Variants in RAB28 observed in about 807,000 individuals in gnomAD.
RAB28 encodes the protein RAB28, member RAS oncogene family, also known as ras-related protein Rab-28.
RAB28 carries 24 observed loss-of-function variants against 31.7 expected under a neutral mutation model. The observed-to-expected ratio is 0.76, with a 90% CI of 0.55 to 1.06. The LOEUF (loss-of-function observed/expected upper bound fraction) is 1.06. Ranked by LOEUF, RAB28 falls within the 50% of genes least tolerant of loss-of-function variation. RAB28 has a pLI of 0.00. For synonymous variants in RAB28, 100 were observed against 90.4 expected, an observed-to-expected ratio of 1.11 and a Z score of -0.60; for missense variants, 254 against 258.5, an observed-to-expected ratio of 0.98 and a Z score of 0.12.
At chr4:13,425,782 T>C (rs1228308337) in intron 4 of RAB28, among the ~76,000 whole-genome samples, 1 of 152,168 alleles carries the variant, frequency 6.6e-6, no homozygotes, top group Non-Finnish European at 1.5e-5. Flanking sequence ...GTTGTATTGT[T>C]TGTTTGTTTT....
At chr4:13,446,412 G>A (rs1428974201) in intron 4 of RAB28, among the ~76,000 whole-genome samples, 2 of 152,190 alleles carry the variant, frequency 1.3e-5, no homozygotes, top group East Asian at 1.9e-4. Context: ...AGGTGCCACA[G>A]GAATATGAAA....
intron 4 of RAB28, among the ~76,000 whole-genome samples, chr4:13,409,795 T>C (rs1577184822): frequency 6.6e-6 from 1 of 152,268 alleles, no homozygotes; most frequent in African/African-American, 2.4e-5. Flanking sequence ...TTTGGAAACA[T>C]ATTTCCACTT....
intron 4 of RAB28, among the ~76,000 whole-genome samples, chr4:13,425,111 T>C (rs2108925611): frequency 6.6e-6 from 1 of 152,326 alleles, no homozygotes; most frequent in Middle Eastern, 3.4e-3. Context: ...TTTACTTACC[T>C]ATCAGCAGCA....
At chr4:13,416,796 C>A (rs1435168269) in intron 4 of RAB28, among the ~76,000 whole-genome samples, 1 of 152,108 alleles carries the variant, frequency 6.6e-6, no homozygotes, top group Admixed American at 6.5e-5. Context: ...AGAAACAGCT[C>A]CAGTCTGCAG....
At chr4:13,450,732 A>C (rs992110904) in intron 4 of RAB28, among the ~76,000 whole-genome samples, 1 of 151,884 alleles carries the variant, frequency 6.6e-6, no homozygotes, top group Non-Finnish European at 1.5e-5. Flanking sequence ...CTTTAGAACG[A>C]AACTTTAAAA....
intron 4 of RAB28, among the ~76,000 whole-genome samples, chr4:13,414,725 G>T (rs1469878352): frequency 2.6e-5 from 4 of 152,094 alleles, no homozygotes; most frequent in Non-Finnish European, 4.4e-5. Context: ...GTATATAAAA[G>T]AAAATATGCT....
At chr4:13,419,193 G>A (rs866880122) in intron 4 of RAB28, among the ~76,000 whole-genome samples, 1 of 152,086 alleles carries the variant, frequency 6.6e-6, no homozygotes, top group South Asian at 2.1e-4. Context: ...TCAACAAAAA[G>A]AGCCAGCTAT....
Position 13,367,849 on chromosome 4 carries a change from A to G in RAB28, c.*709T>C. 4.1e-6 allele frequency: 4 copies of G among 984,824 alleles called. No homozygotes were observed. In the South Asian group the frequency reaches 1.9e-4, roughly 46 times the overall value. The allele number at this position is 984,824 out of a possible 1,614,324, so 61.0% of individuals were successfully genotyped here. ...TTGCAAGAGAAATTCCACGTGGAGC[A>G]TCAGCTGAACATTTATCAGAATTCA... On this transcript the variant is annotated 3_prime_UTR_variant, in exon 7 of 7. Coordinates refer to ENST00000330852, the MANE Select transcript of RAB28 (RefSeq NM_001017979.3).
chr4:13,383,885 A>G (rs1729244850), intron 4 of RAB28, among the ~76,000 whole-genome samples: 1 of 152,188 alleles, frequency 6.6e-6, no homozygotes, highest in South Asian at 2.1e-4. Flanking sequence ...ACACAGGGCT[A>G]GTCCAACCTC....
At chr4:13,481,774 A>G (rs1263832781) in intron 1 of RAB28, among the ~76,000 whole-genome samples, 1 of 152,102 alleles carries the variant, frequency 6.6e-6, no homozygotes, top group Non-Finnish European at 1.5e-5. Flanking sequence ...TCAATACTCT[A>G]TTGCATCTGT....
At chr4:13,409,499 A>T (rs942956346) in intron 4 of RAB28, among the ~76,000 whole-genome samples, 1 of 152,194 alleles carries the variant, frequency 6.6e-6, no homozygotes, top group African/African-American at 2.4e-5. Flanking sequence ...AGCTTGCACC[A>T]ATCACTGGAG....
intron 6 of RAB28, among the ~76,000 whole-genome samples, chr4:13,375,983 T>C (rs1274586289): frequency 1.3e-5 from 2 of 152,184 alleles, no homozygotes; most frequent in African/African-American, 2.4e-5. Context: ...CATAACTTTA[T>C]AGGCTCTTAC....
intron 4 of RAB28, among the ~76,000 whole-genome samples, chr4:13,440,114 T>C (rs186092284): frequency 5.3e-5 from 8 of 152,290 alleles, no homozygotes; most frequent in African/African-American, 1.9e-4. Flanking sequence ...CCTTTGTTTA[T>C]ATACAGACTG....
chr4:13,473,169 T>C (rs1716198204), intron 3 of RAB28, among the ~76,000 whole-genome samples: 1 of 151,990 alleles, frequency 6.6e-6, no homozygotes. Flanking sequence ...GCAACGGTAT[T>C]TGACATGAAC....
At chr4:13,423,136 G>T (rs1274249863) in intron 4 of RAB28, among the ~76,000 whole-genome samples, 2 of 152,158 alleles carry the variant, frequency 1.3e-5, no homozygotes, top group African/African-American at 4.8e-5. Flanking sequence ...AAACAAAGCA[G>T]CCTTTTAATT....
chr4:13,471,787 G>A (rs143644655), intron 3 of RAB28, among the ~76,000 whole-genome samples: 174 of 151,934 alleles, frequency 1.1e-3, no homozygotes, highest in African/African-American at 4.0e-3. Context: ...TAAAAACACA[G>A]TACATCCTTA....
At chr4:13,475,541 G>A (rs1041073863) in intron 2 of RAB28, among the ~76,000 whole-genome samples, 9 of 151,454 alleles carry the variant, frequency 5.9e-5, no homozygotes, top group Non-Finnish European at 1.3e-4. Context: ...AAAGACATTT[G>A]ATTAACCAGC....
intron 4 of RAB28, among the ~76,000 whole-genome samples, chr4:13,393,165 C>T (rs181657752): frequency 1.1e-4 from 17 of 152,248 alleles, no homozygotes; most frequent in African/African-American, 4.1e-4. Context: ...CAATCTATAA[C>T]AGGAGTACAG....
rs1033568413 is a variant in RAB28 at position 13,418,402 on chromosome 4, A to C, written c.392-36808T>G. Among the ~76,000 whole-genome samples the C allele has an allele frequency of 3.9e-5, 6 of 152,284 alleles. No individual in the cohort carries two copies. The South Asian group carries it at 6.2e-4, about 16-fold the overall frequency. On this transcript the variant is annotated intron_variant, in intron 4 of 6. Coordinates refer to ENST00000330852, the MANE Select transcript of RAB28 (RefSeq NM_001017979.3). ...CATTCAAAATCAGGAAATACAGAGA[A>C]CACCACAAAGACACTCCTCAAGAAG...
Sources: allele counts gnomAD v4.1 joint callset (sites outside exome capture counted in the v4.1 genomes callset), GRCh38; gene constraint gnomAD v4.1.1; transcripts MANE v1.5; gene names NCBI Gene and HGNC (gene_info 2026-07-23, HGNC 2026-07-21).